The following GRK3 variants were observed in gnomAD, a reference collection of about 807,000 sequenced individuals.
GRK3 encodes the protein adrenergic, beta, receptor kinase 2.
A neutral mutation model predicts 95.7 loss-of-function variants in GRK3; 54 were observed. That is an observed-to-expected ratio of 0.56 (90% confidence interval 0.45 to 0.71). The LOEUF is 0.71. Ranked by LOEUF, GRK3 falls within the 30% of genes least tolerant of loss-of-function variation. The pLI, the probability that GRK3 is intolerant of heterozygous loss-of-function variation, is 0.00. For synonymous variants in GRK3, 281 were observed against 290.8 expected, an observed-to-expected ratio of 0.97 and a Z score of 0.34; for missense variants, 649 against 851.2, an observed-to-expected ratio of 0.76 and a Z score of 2.96.
chr22:25,586,939 G>A (rs977354887), intron 1 of GRK3, among the ~76,000 whole-genome samples: 3 of 147,770 alleles, frequency 2.0e-5, no homozygotes, highest in Non-Finnish European at 3.0e-5. Context: ...AGGCTGGAGT[G>A]CATGGCACGA....
intron 1 of GRK3, among the ~76,000 whole-genome samples, chr22:25,596,223 G>T (rs746403483): frequency 6.6e-6 from 1 of 152,186 alleles, no homozygotes; most frequent in Non-Finnish European, 1.5e-5. Context: ...AATGAGAGTC[G>T]TGGGTAGGTA....
At chr22:25,572,300 T>C (rs1397400993) in intron 1 of GRK3, among the ~76,000 whole-genome samples, 1 of 152,212 alleles carries the variant, frequency 6.6e-6, no homozygotes, top group Non-Finnish European at 1.5e-5. Flanking sequence ...CTATTGTAAA[T>C]AGTGCCGCAA....
chr22:25,695,621 A>C (rs939022271), intron 13 of GRK3, among the ~76,000 whole-genome samples: 12 of 152,202 alleles, frequency 7.9e-5, no homozygotes, highest in Non-Finnish European at 1.5e-4. Context: ...AGTTACAAAA[A>C]AAGGATGAAA....
intron 2 of GRK3, among the ~76,000 whole-genome samples, chr22:25,609,209 G>A (rs1176495633): frequency 1.3e-5 from 2 of 152,186 alleles, no homozygotes; most frequent in Non-Finnish European, 2.9e-5. Flanking sequence ...TTCATCATAT[G>A]AAGTGAGGCA....
At chr22:25,714,634 G>A (rs1272502694) in intron 18 of GRK3, 64 bp downstream of exon 18, 2 of 1,445,848 alleles carry the variant, frequency 1.4e-6, no homozygotes, top group Non-Finnish European at 1.9e-6. Flanking sequence ...TTCTTGTAAA[G>A]CTGAAAAAGT....
intron 1 of GRK3, among the ~76,000 whole-genome samples, chr22:25,584,657 G>A (rs114222610): frequency 0.013 from 2,029 of 152,196 alleles, 11 homozygotes; most frequent in African/African-American, 0.045. Flanking sequence ...AGCAGTTATT[G>A]TTGATCCCTT....
At chr22:25,581,783 A>G (rs1247228119) in intron 1 of GRK3, among the ~76,000 whole-genome samples, 3 of 152,094 alleles carry the variant, frequency 2.0e-5, no homozygotes, top group Non-Finnish European at 4.4e-5. Context: ...CTATTAAATC[A>G]CGGCTCTGAT....
intron 1 of GRK3, among the ~76,000 whole-genome samples, chr22:25,600,355 G>C (rs2084401193): frequency 2.0e-5 from 3 of 152,150 alleles, no homozygotes; most frequent in African/African-American, 7.2e-5. Context: ...GTCCATGCTG[G>C]TCTGGAACGT....
At chr22:25,567,081 T>A (rs1385866622) in intron 1 of GRK3, among the ~76,000 whole-genome samples, 1 of 152,194 alleles carries the variant, frequency 6.6e-6, no homozygotes, top group African/African-American at 2.4e-5. Context: ...TCAGTGGTAT[T>A]CTTTGGTAAT....
intron 7 of GRK3, among the ~76,000 whole-genome samples, chr22:25,674,024 C>CT (rs1249609430): frequency 6.6e-6 from 1 of 152,148 alleles, no homozygotes; most frequent in African/African-American, 2.4e-5. Flanking sequence ...TTTTTCAACT[C>CT]TGACAGTTCT....
chr22:25,652,664 A>C (rs1428775505), intron 3 of GRK3, among the ~76,000 whole-genome samples: 1 of 152,172 alleles, frequency 6.6e-6, no homozygotes, highest in Non-Finnish European at 1.5e-5. Flanking sequence ...TTAATTTCTA[A>C]GATAATTTAT....
chr22:25,647,038 A>G lies in GRK3; in HGVS notation c.264+2373A>G, dbSNP rs553932934. Reference sequence around the variant, plus strand: ...TTTGTCTCAAAAAAAAAAAAAAAAAAAAAAAGAAAAAGAAAAAAAATGAAA... The same window carrying G: ...TTTGTCTCAAAAAAAAAAAAAAAAAGAAAAAGAAAAAGAAAAAAAATGAAA... On this transcript the variant is annotated intron_variant, in intron 3 of 20. Coordinates refer to ENST00000324198, the MANE Select transcript of GRK3 (RefSeq NM_005160.4). 8.5e-4 allele frequency among the ~76,000 whole-genome samples: 128 copies of G among 151,166 alleles called. 1 individual carries two copies. In the East Asian group the frequency reaches 0.02, roughly 24 times the overall value.
intron 1 of GRK3, among the ~76,000 whole-genome samples, chr22:25,585,453 C>G (rs895471784): frequency 6.6e-6 from 1 of 152,136 alleles, no homozygotes; most frequent in Non-Finnish European, 1.5e-5. Context: ...ATTATCAATT[C>G]TAAAGCTGAA....
At chr22:25,639,307 T>C (rs556144737) in intron 2 of GRK3, among the ~76,000 whole-genome samples, 3 of 152,314 alleles carry the variant, frequency 2.0e-5, no homozygotes, top group Admixed American at 6.5e-5. Context: ...TCTAGAAGCA[T>C]TATAATTTTA....
At chr22:25,615,502 T>C (rs993090221) in intron 2 of GRK3, among the ~76,000 whole-genome samples, 1 of 152,224 alleles carries the variant, frequency 6.6e-6, no homozygotes, top group Non-Finnish European at 1.5e-5. Context: ...TTTTAGTATT[T>C]CTACTTCTAG....
At chr22:25,702,229 C>A (rs374533139) in intron 13 of GRK3, among the ~76,000 whole-genome samples, 26 of 152,138 alleles carry the variant, frequency 1.7e-4, no homozygotes, top group African/African-American at 5.8e-4. Context: ...CAATAAATGG[C>A]CTGAAATGTA....
intron 1 of GRK3, among the ~76,000 whole-genome samples, chr22:25,583,174 C>T (rs1043120483): frequency 1.3e-5 from 2 of 152,046 alleles, no homozygotes; most frequent in South Asian, 2.1e-4. Context: ...TCAAATGAGT[C>T]GCCTGTTTGC....
chr22:25,627,850 G>C (rs2084638711), intron 2 of GRK3, among the ~76,000 whole-genome samples: 3 of 152,122 alleles, frequency 2.0e-5, no homozygotes, highest in Admixed American at 2.0e-4. Flanking sequence ...TTCTGTCAAC[G>C]CCAGGAATGA....
At chr22:25,701,109 T>C (rs1258942462) in intron 13 of GRK3, among the ~76,000 whole-genome samples, 3 of 152,186 alleles carry the variant, frequency 2.0e-5, no homozygotes, top group Non-Finnish European at 4.4e-5. Context: ...ACAGGACATG[T>C]GAATTCTTTT....
Sources: gnomAD v4.1 joint callset for allele counts (sites outside exome capture counted in the v4.1 genomes callset) on GRCh38, gnomAD v4.1.1 for gene constraint, MANE v1.5 for transcripts, NCBI Gene and HGNC (gene_info 2026-07-23, HGNC 2026-07-21) for gene names.